Variants in PLEKHH1 observed in about 807,000 individuals in gnomAD.
The protein encoded by PLEKHH1 is pleckstrin homology domain-containing family H member 1.
In PLEKHH1, 104 loss-of-function variants were observed where a neutral mutation model predicts 160.0. The ratio of observed to expected loss-of-function variants is 0.65; its 90% CI spans 0.55 to 0.76. PLEKHH1 has a LOEUF of 0.76. PLEKHH1 is among the 30% of genes least tolerant of loss of function. The probability of loss-of-function intolerance (pLI) is 0.00; values close to 1 mark genes in which losing one functional copy is unlikely to be tolerated. For missense variants in PLEKHH1, 1,427 were observed against 1,724.1 expected, an observed-to-expected ratio of 0.83 and a Z score of 3.05; for synonymous variants, 619 against 678.4, an observed-to-expected ratio of 0.91 and a Z score of 1.36.
At chr14:67,584,343 T>C (rs1199324565) in intron 26 of PLEKHH1, among the ~76,000 whole-genome samples, 2 of 152,076 alleles carry the variant, frequency 1.3e-5, no homozygotes, top group African/African-American at 4.8e-5. Flanking sequence ...AAAGAAAAGA[T>C]GTGATCAACT....
chr14:67,552,766 C>A (rs1264187931), intron 2 of PLEKHH1, among the ~76,000 whole-genome samples: 5 of 141,520 alleles, frequency 3.5e-5, no homozygotes, highest in South Asian at 2.3e-4. Flanking sequence ...GACTCTGTCT[C>A]AAAAAAAAAA....
chr14:67,572,142 C>T lies in PLEKHH1; in HGVS notation c.1593C>T (p.Ser531=). The change falls in exon 11 of 29, where the codon TCC becomes TCT. Residue 531 remains serine (S), a synonymous_variant. Transcript: ENST00000329153. Reference sequence around the variant, plus strand: ...TCCTCCTCCCTCGGCAAGGCGTCTCCATGTCCTCACTGAGCTCCGAGGGTG... The same window carrying T: ...TCCTCCTCCCTCGGCAAGGCGTCTCTATGTCCTCACTGAGCTCCGAGGGTG... ...GSPRAIKRGV[S]MSSLSSEGDY... 2 of 1,606,628 alleles carry T rather than the reference C, an allele frequency of 1.2e-6. No homozygotes were observed. Among genetic ancestry groups the T allele is most frequent in the Non-Finnish European group, 1.7e-6 (2 of 1,176,862 alleles).
chr14:67,572,278 G>A lies in PLEKHH1; in HGVS notation c.1728+1G>A, dbSNP rs1275345024. 6.3e-7 allele frequency: 1 copy of A among 1,594,724 alleles called. No individual in the cohort carries two copies. The highest frequency in any genetic ancestry group is 1.1e-5 in the South Asian group (1 of 88,266). ...CACCGACGGGCTGGGCCTGGGCGGGGTGAGCCGGGAAACGGGCGGGGGCAG... is the reference window on the plus strand; with the variant it reads ...CACCGACGGGCTGGGCCTGGGCGGGATGAGCCGGGAAACGGGCGGGGGCAG... On this transcript the variant is annotated splice_donor_variant, in intron 11 of 28. Transcript: ENST00000329153. LOFTEE classifies it high-confidence loss of function.
In PLEKHH1 at chr14:67,571,883, C is replaced by T. The variant is rs764836738; in HGVS notation, c.1566C>T (p.Ser522=). ...CCAGGAAGACCAGCGGACTAGGCAGCCCCCGGGCCATCAAGAGAGGTACAG... is the reference window on the plus strand; with the variant it reads ...CCAGGAAGACCAGCGGACTAGGCAGTCCCCGGGCCATCAAGAGAGGTACAG... ...SESRKTSGLG[S]PRAIKRGVSM... Residue 522 remains serine, a synonymous_variant, in exon 10 of 29, where the codon AGC becomes AGT. Coordinates refer to ENST00000329153, the MANE Select transcript of PLEKHH1 (RefSeq NM_020715.3). 4 of 1,611,236 alleles carry T rather than the reference C, an allele frequency of 2.5e-6. No individual in the cohort carries two copies. In the South Asian group the frequency reaches 3.3e-5, roughly 13 times the overall value.
chr14:67,541,009 G>A (rs1036866584), intron 1 of PLEKHH1, among the ~76,000 whole-genome samples: 1 of 152,138 alleles, frequency 6.6e-6, no homozygotes, highest in Non-Finnish European at 1.5e-5. Flanking sequence ...CCAAAGACTT[G>A]TGGCTTTCTC....
At chr14:67,569,752 TC>T in intron 8 of PLEKHH1, 168 bp from the exon 9 acceptor site, 1 of 616,470 alleles carries the variant, frequency 1.6e-6, no homozygotes. Context: ...GAGATCATGG[TC>T]CCCAAAGGGA....
At chr14:67,537,092 C>T (rs1003936315) in intron 1 of PLEKHH1, among the ~76,000 whole-genome samples, 1 of 147,864 alleles carries the variant, frequency 6.8e-6, no homozygotes, top group African/African-American at 2.5e-5. Flanking sequence ...TGTAGTGGCT[C>T]AACACACTTT....
chr14:67,575,320 C>T (rs2035573160), intron 14 of PLEKHH1, 72 bp from the exon 15 acceptor site: 6 of 894,426 alleles, frequency 6.7e-6, no homozygotes, highest in East Asian at 2.6e-5. Flanking sequence ...CCTGTGGCTT[C>T]TATTTGCCAG....
chr14:67,537,669 G>C (rs1455296952), intron 1 of PLEKHH1, among the ~76,000 whole-genome samples: 1 of 151,566 alleles, frequency 6.6e-6, no homozygotes, highest in African/African-American at 2.4e-5. Flanking sequence ...TGTCTCAAAA[G>C]AAAAAGAAAA....
chr14:67,589,277 C>T lies in PLEKHH1; in HGVS notation c.*2042C>T. On this transcript the variant is annotated 3_prime_UTR_variant, in exon 29 of 29. Coordinates refer to ENST00000329153, the MANE Select transcript of PLEKHH1 (RefSeq NM_020715.3). ...TTCAGGAACCCTTTAGTTTATTAAT[C>T]TTATACAGAAGAAACTAACTTAGAA... 1 of 888,230 alleles carries T rather than the reference C, an allele frequency of 1.1e-6. No homozygotes were observed. Among genetic ancestry groups the T allele is most frequent in the Non-Finnish European group, 1.3e-6 (1 of 741,410 alleles). 55.0% of individuals were successfully genotyped at this position (888,230 alleles called of 1,614,324 possible). A position where few individuals can be genotyped will look rare whatever the true frequency, so the allele number is the denominator to read the frequency against.
At chr14:67,558,380 T>C (rs1259290501) in intron 4 of PLEKHH1, among the ~76,000 whole-genome samples, 3 of 152,186 alleles carry the variant, frequency 2.0e-5, no homozygotes, top group Non-Finnish European at 2.9e-5. Flanking sequence ...ATTAACCCAA[T>C]AGGCCCTTAA....
chr14:67,587,318 C>A lies in PLEKHH1; in HGVS notation c.*83C>A. ...ATCCTAGGGTATGATACTACTGTGA[C>A]GGGTCTAACAGCCCCCGGCTACTCT... On this transcript the variant is annotated 3_prime_UTR_variant, in exon 29 of 29. Transcript: ENST00000329153. 6.7e-7 allele frequency: 1 copy of A among 1,485,552 alleles called. No individual in the cohort carries two copies. Among genetic ancestry groups the A allele is most frequent in the Non-Finnish European group, 9.4e-7 (1 of 1,062,964 alleles). The allele number at this position is 1,485,552 out of a possible 1,614,324, so 92.0% of individuals were successfully genotyped here.
Position 67,578,037 on chromosome 14 carries a change from C to T in PLEKHH1, c.2589C>T (p.Phe863=), listed in dbSNP as rs1479995497. The change falls in exon 19 of 29, where the codon TTC becomes TTT. Residue 863 remains phenylalanine, a synonymous_variant. Coordinates refer to ENST00000329153, the MANE Select transcript of PLEKHH1 (RefSeq NM_020715.3). The surrounding 1 kb of genome is among the most constrained non-coding windows in gnomAD (Gnocchi z 5.0). ...TTCCCTCCCAGTCCTGCCAGCTCTT[C>T]ATCAACGTGCCGGTGGAAGCTGCCT... is the stretch of plus-strand genomic sequence containing the variant. ...ALKLFKSCQL[F]INVPVEAASV... The T allele has an allele frequency of 2.5e-6, 4 of 1,613,700 alleles. No homozygotes were observed. Among genetic ancestry groups the T allele is most frequent in the East Asian group, 4.5e-5 (2 of 44,882 alleles).
rs918807089 is a variant in PLEKHH1 at position 67,582,648 on chromosome 14, T to C, written c.3426+438T>C. 7.8e-5 allele frequency among the ~76,000 whole-genome samples: 1 copy of C among 12,750 alleles called. No homozygotes were observed. Among genetic ancestry groups the C allele is most frequent in the African/African-American group, 1.6e-4 (1 of 6,306 alleles). 8.4% of individuals were successfully genotyped at this position (12,750 alleles called of 152,430 possible). A position where few individuals can be genotyped will look rare whatever the true frequency, so the allele number is the denominator to read the frequency against. On this transcript the variant is annotated intron_variant, in intron 24 of 28. Coordinates refer to ENST00000329153, the MANE Select transcript of PLEKHH1 (RefSeq NM_020715.3). This position sits in a 1 kb window ranked among gnomAD's most constrained non-coding sequence, Gnocchi z 5.0. ...AGCCTGACCAGTGAAACCCTGTCTC[T>C]ACTGAAAAAAAATAAAATAAAATAA...
At chr14:67,586,439 G>A in intron 28 of PLEKHH1, 1 of 1,310,430 alleles carries the variant, frequency 7.6e-7, no homozygotes, top group South Asian at 1.2e-5. Flanking sequence ...CTCAAGGCAG[G>A]GCAGATTCCT....
At chr14:67,555,720 T>A in intron 2 of PLEKHH1, 105 bp from the exon 3 acceptor site, 2 of 1,515,052 alleles carry the variant, frequency 1.3e-6, no homozygotes, top group Non-Finnish European at 8.9e-7. Flanking sequence ...GCACTTGAAG[T>A]CTGGCCTGTG....
chr14:67,547,666 T>C (rs908910342), intron 2 of PLEKHH1, among the ~76,000 whole-genome samples: 2 of 152,148 alleles, frequency 1.3e-5, no homozygotes, highest in African/African-American at 4.8e-5. Context: ...CCTGGGTGCT[T>C]CCCTGGGGGA....
intron 8 of PLEKHH1, chr14:67,569,678 T>C (rs141890724): frequency 3.6e-6 from 2 of 552,084 alleles, no homozygotes. Context: ...GCAAGCCTCA[T>C]GGAGGAAAAA....
chr14:67,535,844 T>C (rs1255878956), intron 1 of PLEKHH1, among the ~76,000 whole-genome samples: 1 of 152,218 alleles, frequency 6.6e-6, no homozygotes. Context: ...TGATGTGATA[T>C]ATGAAATGGC....
Sources: allele counts gnomAD v4.1 joint callset (sites outside exome capture counted in the v4.1 genomes callset), GRCh38; gene constraint gnomAD v4.1.1; non-coding constraint Gnocchi (gnomAD v3.1); transcripts MANE v1.5; gene names NCBI Gene and HGNC (gene_info 2026-07-23, HGNC 2026-07-21).